The following SNRK variants were observed in gnomAD, a reference collection of about 807,000 sequenced individuals.
SNRK encodes the protein SNF-related serine/threonine-protein kinase.
SNRK carries 3 observed loss-of-function variants against 48.2 expected under a neutral mutation model. The observed-to-expected ratio is 0.06, with a 90% CI of 0.03 to 0.16. The LOEUF is 0.16. SNRK is among the 10% of genes least tolerant of loss of function. The probability of loss-of-function intolerance (pLI) is 1.00; values close to 1 mark genes in which losing one functional copy is unlikely to be tolerated. For synonymous variants in SNRK, 376 were observed against 366.1 expected, an observed-to-expected ratio of 1.03 and a Z score of -0.31; for missense variants, 627 against 976.0, an observed-to-expected ratio of 0.64 and a Z score of 4.76.
chr3:43,295,658 T>C lies in SNRK; in HGVS notation c.-168-4096T>C, dbSNP rs547069892. On this transcript the variant is annotated intron_variant, in intron 1 of 6. Coordinates refer to ENST00000296088, the MANE Select transcript of SNRK (RefSeq NM_017719.5). ...ACAACTTAGGGCCTATTGACCTGTTTATGGTTCTTATCTTTGGTTTATAGC... is the reference window on the plus strand; with the variant it reads ...ACAACTTAGGGCCTATTGACCTGTTCATGGTTCTTATCTTTGGTTTATAGC... Among the ~76,000 whole-genome samples the C allele has an allele frequency of 9.8e-5, 15 of 152,334 alleles. No homozygotes were observed. In the South Asian group the frequency reaches 3.1e-3, roughly 32 times the overall value.
At chr3:43,287,912 G>T (rs546246865) in intron 1 of SNRK, among the ~76,000 whole-genome samples, 1 of 152,220 alleles carries the variant, frequency 6.6e-6, no homozygotes, top group South Asian at 2.1e-4. Flanking sequence ...TGTCCTCAAC[G>T]TCTGCTTAAA....
At chr3:43,287,235 GC>G (rs959807314) in intron 1 of SNRK, among the ~76,000 whole-genome samples, 1 of 152,196 alleles carries the variant, frequency 6.6e-6, no homozygotes, top group African/African-American at 2.4e-5. Flanking sequence ...GAGGAGCAGT[GC>G]CATTCCCGAG....
intron 4 of SNRK, among the ~76,000 whole-genome samples, chr3:43,338,389 A>G (rs1356885375): frequency 6.6e-6 from 1 of 152,240 alleles, no homozygotes; most frequent in Non-Finnish European, 1.5e-5. Flanking sequence ...CTCTCAGCTC[A>G]TGGAAGATAT....
At chr3:43,343,620 G>A (rs891764607) in intron 6 of SNRK, 142 bp downstream of exon 6, 41 of 883,470 alleles carry the variant, frequency 4.6e-5, no homozygotes, top group Non-Finnish European at 3.2e-5. Context: ...GGCCACACAC[G>A]GGCTCTTCAG....
chr3:43,319,468 GGT>G (rs140615262), intron 3 of SNRK, among the ~76,000 whole-genome samples: 3,795 of 152,138 alleles, frequency 0.025, 163 homozygotes, highest in African/African-American at 0.084. Flanking sequence ...TATTTTGCTG[GGT>G]GTAAAAATAA....
intron 3 of SNRK, among the ~76,000 whole-genome samples, chr3:43,313,282 A>G (rs1425501375): frequency 6.6e-6 from 1 of 152,186 alleles, no homozygotes; most frequent in Non-Finnish European, 1.5e-5. Flanking sequence ...TAGCAGTTTT[A>G]TTTATAATAG....
At chr3:43,289,294 G>T (rs2090791076) in intron 1 of SNRK, among the ~76,000 whole-genome samples, 1 of 152,096 alleles carries the variant, frequency 6.6e-6, no homozygotes, top group Non-Finnish European at 1.5e-5. Context: ...GTTCAGGGAG[G>T]GTGAGAAGAC....
rs773271563 is a variant in SNRK at position 43,347,541 on chromosome 3, C to T, written c.1282C>T (p.Pro428Ser). The change falls in exon 7 of 7, where the codon CCA (proline) becomes TCA (serine). Residue 428 changes from proline to serine, a missense_variant. By Grantham distance (74) the Pro-to-Ser change is moderately conservative (BLOSUM62 -1). Coordinates refer to ENST00000296088, the MANE Select transcript of SNRK (RefSeq NM_017719.5). The surrounding 1 kb of genome is among the most constrained non-coding windows in gnomAD (Gnocchi z 5.4). The part of the protein sequence containing the change: ...ELAGPALSTV[P>S]PASLKPTASG... Reference sequence around the variant, plus strand: ...GGCTGGACCAGCACTCTCTACGGTGCCACCCGCAAGCTTAAAACCCACAGC... The same window carrying T: ...GGCTGGACCAGCACTCTCTACGGTGTCACCCGCAAGCTTAAAACCCACAGC... 4.3e-6 allele frequency: 7 copies of T among 1,613,324 alleles called. No homozygotes were observed. The African/African-American group carries it at 9.3e-5, about 22-fold the overall frequency.
At chr3:43,306,783 CTT>C (rs1311086761) in intron 3 of SNRK, among the ~76,000 whole-genome samples, 1 of 152,142 alleles carries the variant, frequency 6.6e-6, no homozygotes, top group Non-Finnish European at 1.5e-5. Flanking sequence ...TCTTTGGTTT[CTT>C]ACTTAACTGA....
At chr3:43,338,226 C>T (rs2091206224) in intron 4 of SNRK, among the ~76,000 whole-genome samples, 1 of 152,218 alleles carries the variant, frequency 6.6e-6, no homozygotes, top group African/African-American at 2.4e-5. Flanking sequence ...TGGAATCACA[C>T]TATCCTGTCA....
chr3:43,343,466 A>C lies in SNRK; in HGVS notation c.1067A>C (p.Lys356Thr). 6.2e-7 allele frequency: 1 copy of C among 1,613,588 alleles called. No homozygotes were observed. The highest frequency in any genetic ancestry group is 8.5e-7 in the Non-Finnish European group (1 of 1,179,866). Residue 356 changes from lysine to threonine, a missense_variant, in exon 6 of 7, where the codon AAG becomes ACG. By Grantham distance (78) the Lys-to-Thr change is moderately conservative (BLOSUM62 -1). Transcript: ENST00000296088. ...AGATCTGCAAGCCCGAGCAATATCA[A>C]GGCCCAGTTTAGGTGAGAAAAAAAT... ...QTRSASPSNI[K>T]AQFRQSWPTK... is the part of the protein sequence containing the mutation.
chr3:43,320,916 A>G (rs941118662), intron 3 of SNRK, among the ~76,000 whole-genome samples: 3 of 133,782 alleles, frequency 2.2e-5, no homozygotes, highest in African/African-American at 8.4e-5. Context: ...CTTTACAAAC[A>G]TGATTTTTTC....
rs17075570 is a variant in SNRK at position 43,332,105 on chromosome 3, G to C, written c.590-64G>C. The C allele has an allele frequency of 5.6e-3, 6,727 of 1,194,022 alleles. 259 individuals are homozygous for C. In the African/African-American group the frequency reaches 0.086, roughly 15 times the overall value. The allele number at this position is 1,194,022 out of a possible 1,614,324, so 74.0% of individuals were successfully genotyped here. A position where few individuals can be genotyped will look rare whatever the true frequency, so the allele number is the denominator to read the frequency against. ...CTCAAGATAAAATAATATTGTTAGC[G>C]CACTTTTAATGTTTTTGGTTTTCTA... On this transcript the variant is annotated intron_variant, in intron 3 of 6. Transcript: ENST00000296088.
At chr3:43,319,808 G>A (rs1384987958) in intron 3 of SNRK, among the ~76,000 whole-genome samples, 4 of 152,134 alleles carry the variant, frequency 2.6e-5, no homozygotes, top group Non-Finnish European at 5.9e-5. Flanking sequence ...TGCTGATGTC[G>A]TAATTCCTTT....
At chr3:43,326,490 C>T (rs1202190926) in intron 3 of SNRK, among the ~76,000 whole-genome samples, 1 of 152,112 alleles carries the variant, frequency 6.6e-6, no homozygotes, top group African/African-American at 2.4e-5. Context: ...GCTCAAGGAG[C>T]TCCAAGTATT....
intron 3 of SNRK, among the ~76,000 whole-genome samples, chr3:43,320,266 T>C (rs1043011753): frequency 6.6e-6 from 1 of 152,196 alleles, no homozygotes; most frequent in Non-Finnish European, 1.5e-5. Context: ...TTGGGTACAG[T>C]ATTCTTTTTA....
intron 2 of SNRK, among the ~76,000 whole-genome samples, chr3:43,300,186 C>T (rs1337048093): frequency 6.6e-6 from 1 of 151,830 alleles, no homozygotes; most frequent in East Asian, 1.9e-4. Context: ...TGTGAAGATA[C>T]CAATTAGATT....
intron 3 of SNRK, among the ~76,000 whole-genome samples, chr3:43,306,444 G>A (rs2090938720): frequency 6.6e-6 from 1 of 152,142 alleles, no homozygotes; most frequent in Non-Finnish European, 1.5e-5. Flanking sequence ...TTGAGACTTA[G>A]CTGAGGAATT....
rs150596326 is a variant in SNRK, at chr3:43,319,050, A to T, written c.590-13119A>T. On this transcript the variant is annotated intron_variant, in intron 3 of 6. Transcript: ENST00000296088. ...CTCAAAAAAAAAAAAAAAAAGAATC[A>T]GTTTGTTTGTTTATATGCAGGCTGC... Among the ~76,000 whole-genome samples the T allele has an allele frequency of 8.5e-3, 1,276 of 150,906 alleles. 14 individuals are homozygous for T. The highest frequency in any genetic ancestry group is 0.014 in the Middle Eastern group (4 of 292).
Sources: gnomAD v4.1 joint callset for allele counts (sites outside exome capture counted in the v4.1 genomes callset) on GRCh38, gnomAD v4.1.1 for gene constraint, Gnocchi (gnomAD v3.1) non-coding constraint, MANE v1.5 for transcripts, NCBI Gene and HGNC (gene_info 2026-07-23, HGNC 2026-07-21) for gene names.